Variants in MED17 observed in about 807,000 individuals in gnomAD.
The protein encoded by MED17 is mediator complex subunit 17, also known as mediator of RNA polymerase II transcription subunit 17.
A neutral mutation model predicts 80.8 loss-of-function variants in MED17; 49 were observed. The observed-to-expected ratio is 0.61, with a 90% CI of 0.48 to 0.77. The LOEUF (loss-of-function observed/expected upper bound fraction) is 0.77. MED17 is among the 30% of genes least tolerant of loss of function. The probability of loss-of-function intolerance (pLI) is 0.00; values close to 1 mark genes in which losing one functional copy is unlikely to be tolerated. For missense variants in MED17, 718 were observed against 787.0 expected (o/e 0.91, Z 1.05); for synonymous variants, 281 against 280.4 (o/e 1.00, Z -0.02).
intron 3 of MED17, among the ~76,000 whole-genome samples, chr11:93,793,005 T>A (rs1943854764): frequency 6.6e-6 from 1 of 151,814 alleles, no homozygotes; most frequent in Non-Finnish European, 1.5e-5. Flanking sequence ...ATGTGCACTA[T>A]CCTCTGTCTT....
Position 93,787,992 on chromosome 11 carries a change from T to C in MED17, c.251-9T>C, listed in dbSNP as rs1258208409. The C allele has an allele frequency of 1.2e-6, 2 of 1,613,006 alleles. No individual in the cohort carries two copies. The highest frequency in any genetic ancestry group is 2.7e-5 in the African/African-American group (2 of 74,900). ...TCTGTATTTCTTTTTTTTCTCTCTC[T>C]CTTTTTAGGAGTGGTAAAATTTCAG... On this transcript the variant is annotated splice_polypyrimidine_tract_variant and intron_variant, in intron 1 of 11. Transcript: ENST00000251871.
At chr11:93,796,603 A>G (rs926343806) in intron 7 of MED17, 63 bp downstream of exon 7, 6 of 1,577,438 alleles carry the variant, frequency 3.8e-6, no homozygotes, top group Non-Finnish European at 5.2e-6. Context: ...GAGTATGCAC[A>G]AAGCTCCTCT....
Position 93,784,619 on chromosome 11 carries a change from A to G in MED17, c.106A>G (p.Met36Val). Residue 36 changes from methionine (M) to valine (V), a missense_variant, in exon 1 of 12, where the codon ATG (methionine) becomes GTG (valine). Physicochemically the swap from Met to Val is conservative, Grantham distance 21. Transcript: ENST00000251871. ...CGAGACGTACCTGCCCCCGCTGTCCATGTCGCAGAATCTGGCGCGTCTGGC... is the reference window on the plus strand; with the variant it reads ...CGAGACGTACCTGCCCCCGCTGTCCGTGTCGCAGAATCTGGCGCGTCTGGC... ...GTETYLPPLS[M>V]SQNLARLAQR... 4 of 1,595,344 alleles carry G rather than the reference A, an allele frequency of 2.5e-6. No individual in the cohort carries two copies. The highest frequency in any genetic ancestry group is 2.3e-5 in the East Asian group (1 of 44,260).
At chr11:93,810,205 A>C (rs1175634533) in intron 11 of MED17, 1 of 325,380 alleles carries the variant, frequency 3.1e-6, no homozygotes, top group Non-Finnish European at 5.9e-6. Context: ...CATGGGAAGA[A>C]AAATATCTGA....
In MED17 at chr11:93,814,196, T is replaced by C. The variant is rs1310401893; in HGVS notation, c.*2132T>C. The C allele has an allele frequency of 6.6e-6, 1 of 152,192 alleles. No homozygotes were observed. Among genetic ancestry groups the C allele is most frequent in the Non-Finnish European group, 1.5e-5 (1 of 68,042 alleles). 9.4% of individuals were successfully genotyped at this position (152,192 alleles called of 1,614,324 possible). On this transcript the variant is annotated 3_prime_UTR_variant, in exon 12 of 12. Transcript: ENST00000251871. ...AGTGGGATAACTGAAGACTTTACGT[T>C]CTTCATGTCTTACTTTCCCTGTTTG... is the stretch of plus-strand genomic sequence containing the variant.
At chr11:93,800,251 T>C (rs926213298) in intron 8 of MED17, among the ~76,000 whole-genome samples, 5 of 152,186 alleles carry the variant, frequency 3.3e-5, no homozygotes, top group Non-Finnish European at 7.3e-5. Flanking sequence ...TCTATTAATG[T>C]AAAAGCCCCT....
chr11:93,795,166 G>C, intron 6 of MED17, 106 bp downstream of exon 6: 1 of 1,221,548 alleles, frequency 8.2e-7, no homozygotes, highest in Non-Finnish European at 1.2e-6. Context: ...TGAGAGCAAA[G>C]AAATAGTGTG....
chr11:93,804,847 C>G (rs1944007550), intron 9 of MED17, among the ~76,000 whole-genome samples: 1 of 152,160 alleles, frequency 6.6e-6, no homozygotes, highest in Admixed American at 6.5e-5. Flanking sequence ...TTTTTAAACT[C>G]AGTAGTGTTT....
At chr11:93,811,721 C>CT (rs1403105241) in intron 11 of MED17, 132 bp from the exon 12 acceptor site, 1 of 815,946 alleles carries the variant, frequency 1.2e-6, no homozygotes, top group Non-Finnish European at 2.0e-6. Flanking sequence ...TGAAAAAGCA[C>CT]TTTTTTACAA....
At chr11:93,808,157 A>C (rs1944045671) in intron 10 of MED17, 1 of 167,824 alleles carries the variant, frequency 6.0e-6, no homozygotes, top group African/African-American at 2.4e-5. Flanking sequence ...TCAGGTTGGG[A>C]GTTCAATACC....
intron 9 of MED17, chr11:93,806,786 G>C (rs1944029657): frequency 6.6e-6 from 1 of 152,178 alleles, no homozygotes; most frequent in South Asian, 2.1e-4. Context: ...TTAAATAAAT[G>C]ATGGGAATGC....
intron 11 of MED17, 64 bp downstream of exon 11, chr11:93,809,940 A>G: frequency 6.7e-7 from 1 of 1,497,548 alleles, no homozygotes. Context: ...TTTAGTTTTA[A>G]TAATTAAATA....
chr11:93,804,297 T>A (rs768869053), intron 9 of MED17, among the ~76,000 whole-genome samples: 9 of 152,116 alleles, frequency 5.9e-5, no homozygotes, highest in African/African-American at 1.9e-4. Flanking sequence ...GGCAGCTGAT[T>A]AGATGGTGCC....
At position 93,812,037 on chromosome 11, in the gene MED17, G is replaced by T; in HGVS notation, c.1929G>T (p.Met643Ile). 6.2e-7 allele frequency: 1 copy of T among 1,614,074 alleles called. No individual in the cohort carries two copies. Among genetic ancestry groups the T allele is most frequent in the Non-Finnish European group, 8.5e-7 (1 of 1,179,984 alleles). ...TTGTTTATAAAATGGAGCTGCTTAT[G>T]TCTGCACTTAGCCCTTGTCTACTAT... is the stretch of plus-strand genomic sequence containing the variant. Reference protein sequence around the residue: ...RNFVYKMELLMSALSPCLL With the variant: ...RNFVYKMELLISALSPCLL Residue 643 changes from methionine to isoleucine, a missense_variant, in exon 12 of 12, where the codon ATG (methionine) becomes ATT (isoleucine). By Grantham distance (10) the Met-to-Ile change is conservative. Coordinates refer to ENST00000251871, the MANE Select transcript of MED17 (RefSeq NM_004268.5).
At chr11:93,790,289 G>A (rs1405780414) in intron 2 of MED17, 2 of 514,460 alleles carry the variant, frequency 3.9e-6, no homozygotes, top group South Asian at 1.5e-5. Context: ...ATAAGGAGAG[G>A]AATGGCAGTA....
At chr11:93,809,339 G>C (rs945882143) in intron 10 of MED17, 3 of 332,116 alleles carry the variant, frequency 9.0e-6, no homozygotes, top group African/African-American at 6.4e-5. Flanking sequence ...GAGGATGTAA[G>C]AAGGTATTAA....
At chr11:93,788,194 A>T (rs774155332) in intron 2 of MED17, 27 bp downstream of exon 2, 1 of 1,587,010 alleles carries the variant, frequency 6.3e-7, no homozygotes, top group Non-Finnish European at 8.6e-7. Flanking sequence ...ATTGAATAAT[A>T]AAATTTTATT....
In MED17 at chr11:93,790,589, C is replaced by G; in HGVS notation, c.433C>G (p.Gln145Glu). The G allele has an allele frequency of 6.2e-7, 1 of 1,613,980 alleles. No homozygotes were observed. The change falls in exon 3 of 12, where the codon CAA becomes GAA. Residue 145 changes from glutamine to glutamate, a missense_variant. By Grantham distance (29) the Gln-to-Glu change is conservative. Coordinates refer to ENST00000251871, the MANE Select transcript of MED17 (RefSeq NM_004268.5). Reference protein sequence around the residue: ...LPPKQNPQTLQLISKKKSLAG... With the variant: ...LPPKQNPQTLELISKKKSLAG... ...TTTTTGACAGAATCCTCAGACGTTG[C>G]AATTGATATCTAAAAAGAAGTCACT...
rs587780393 is a variant in MED17, at chr11:93,801,924, C to T, written c.1418C>T (p.Ser473Phe). The T allele has an allele frequency of 6.2e-7, 1 of 1,612,824 alleles. No individual in the cohort carries two copies. The highest frequency in any genetic ancestry group is 1.7e-5 in the Admixed American group (1 of 59,978). The part of the protein sequence containing the change: ...HWSNINDVYE[S>F]SVKVLITSQG... ...TCAAATATCAATGATGTTTATGAAT[C>T]TAGTGTGAAAGTTTTAATCACATCA... The change falls in exon 9 of 12, where the codon TCT (serine) becomes TTT (phenylalanine). Residue 473 changes from serine to phenylalanine, a missense_variant. Transcript: ENST00000251871.
Sources: allele counts gnomAD v4.1 joint callset (sites outside exome capture counted in the v4.1 genomes callset), GRCh38; gene constraint gnomAD v4.1.1; transcripts MANE v1.5; gene names NCBI Gene and HGNC (gene_info 2026-07-23, HGNC 2026-07-21).